The following CSMD3 variants were observed in gnomAD, a reference collection of about 807,000 sequenced individuals.
CSMD3 encodes the protein CUB and sushi domain-containing protein 3.
A neutral mutation model predicts 435.2 loss-of-function variants in CSMD3; 177 were observed. The observed-to-expected ratio is 0.41, with a 90% CI of 0.36 to 0.46. CSMD3 has a LOEUF of 0.46. CSMD3 is among the 20% of genes least tolerant of loss of function. CSMD3 has a pLI of 0.34. For missense variants in CSMD3, 4,265 were observed against 4,504.6 expected (o/e 0.95, Z 1.52); for synonymous variants, 1,656 against 1,520.5 (o/e 1.09, Z -2.07).
intron 1 of CSMD3, among the ~76,000 whole-genome samples, chr8:113,427,731 C>T (rs2094644421): frequency 6.6e-6 from 1 of 151,394 alleles, no homozygotes; most frequent in African/African-American, 2.4e-5. Flanking sequence ...TGTATTTGCC[C>T]CTACAAATAA....
chr8:112,450,306 A>G (rs1334425341), intron 32 of CSMD3, among the ~76,000 whole-genome samples: 5 of 152,202 alleles, frequency 3.3e-5, no homozygotes, highest in Non-Finnish European at 1.5e-5. Context: ...AAAATGCACA[A>G]CTAATTGCAT....
chr8:112,845,685 G>C (rs760583066), intron 11 of CSMD3, among the ~76,000 whole-genome samples: 1 of 151,966 alleles, frequency 6.6e-6, no homozygotes, highest in Non-Finnish European at 1.5e-5. Flanking sequence ...GAATTTTTTG[G>C]AAAGTAACAG....
At chr8:112,507,061 A>G (rs1822608978) in intron 28 of CSMD3, among the ~76,000 whole-genome samples, 2 of 152,168 alleles carry the variant, frequency 1.3e-5, no homozygotes, top group Admixed American at 6.5e-5. Flanking sequence ...TGGCTTTAAG[A>G]GACCAAAAAG....
chr8:112,620,924 C>T (rs1211624606), intron 22 of CSMD3, among the ~76,000 whole-genome samples: 1 of 152,100 alleles, frequency 6.6e-6, no homozygotes, highest in Non-Finnish European at 1.5e-5. Flanking sequence ...TCAAATGTTA[C>T]AGAAAATGTA....
chr8:113,255,248 G>GTTTTGGAT (rs2093369633), intron 3 of CSMD3, among the ~76,000 whole-genome samples: 1 of 152,022 alleles, frequency 6.6e-6, no homozygotes, highest in South Asian at 2.1e-4. Flanking sequence ...TTGAGACTAG[G>GTTTTGGAT]TTTTGGATGC....
chr8:113,397,031 A>G (rs1197812166), intron 1 of CSMD3, among the ~76,000 whole-genome samples: 1 of 152,170 alleles, frequency 6.6e-6, no homozygotes, highest in African/African-American at 2.4e-5. Context: ...TTTTAAGTAT[A>G]AACGAATGAA....
chr8:112,664,761 T>A (rs963222890), intron 17 of CSMD3, among the ~76,000 whole-genome samples: 3 of 151,502 alleles, frequency 2.0e-5, no homozygotes, highest in Non-Finnish European at 4.4e-5. Context: ...ACACAGAAAA[T>A]CACGTGAAGA....
chr8:112,323,968 G>T (rs915680418), intron 45 of CSMD3, among the ~76,000 whole-genome samples: 5 of 151,956 alleles, frequency 3.3e-5, no homozygotes, highest in Admixed American at 1.3e-4. Flanking sequence ...GCCAGAATTT[G>T]AACCAAGTTC....
In CSMD3 at chr8:112,237,268, T is replaced by C. The variant is rs917784689; in HGVS notation, c.10549A>G (p.Thr3517Ala). The change falls in exon 67 of 71, where the codon ACA becomes GCA. Residue 3517 changes from threonine to alanine, a missense_variant. Thr to Ala is a moderately conservative substitution (Grantham distance 58). Transcript: ENST00000297405. ...GTGGAAGCATTGAAACTAGTAACTGTTAAGGTCATGGGTTGTTTCCTTCCT... is the reference window on the plus strand; with the variant it reads ...GTGGAAGCATTGAAACTAGTAACTGCTAAGGTCATGGGTTGTTTCCTTCCT... Reference protein sequence around the residue: ...FKGRKQPMTLTVTSFNASTGR... With the variant: ...FKGRKQPMTLAVTSFNASTGR... 5 of 1,613,526 alleles carry C rather than the reference T, an allele frequency of 3.1e-6. No homozygotes were observed. Among genetic ancestry groups the C allele is most frequent in the Non-Finnish European group, 4.2e-6 (5 of 1,179,556 alleles).
At chr8:112,759,288 C>A (rs959498602) in intron 13 of CSMD3, among the ~76,000 whole-genome samples, 1 of 152,074 alleles carries the variant, frequency 6.6e-6, no homozygotes, top group East Asian at 1.9e-4. Context: ...CTTTGATGAC[C>A]CATCCTAGGA....
chr8:112,807,342 A>C (rs1304439907), intron 12 of CSMD3, among the ~76,000 whole-genome samples: 1 of 152,156 alleles, frequency 6.6e-6, no homozygotes, highest in Non-Finnish European at 1.5e-5. Context: ...ACTGGTGGAC[A>C]TGTACTTGGG....
chr8:112,537,644 C>T (rs189258303), intron 27 of CSMD3, among the ~76,000 whole-genome samples: 1 of 151,658 alleles, frequency 6.6e-6, no homozygotes, highest in African/African-American at 2.4e-5. Flanking sequence ...ACATGAATTT[C>T]TAGACACATA....
intron 16 of CSMD3, 104 bp downstream of exon 16, chr8:112,682,338 A>G: frequency 1.1e-6 from 1 of 880,868 alleles, no homozygotes; most frequent in Non-Finnish European, 1.9e-6. Flanking sequence ...GAAATGTTTT[A>G]AGATAATGAT....
intron 5 of CSMD3, among the ~76,000 whole-genome samples, chr8:113,083,869 A>G (rs2089657438): frequency 6.6e-6 from 1 of 152,052 alleles, no homozygotes; most frequent in Non-Finnish European, 1.5e-5. Context: ...AGTTACTCAG[A>G]AGGCTGATAC....
chr8:112,531,447 T>G (rs191783610), intron 27 of CSMD3, among the ~76,000 whole-genome samples: 1 of 152,104 alleles, frequency 6.6e-6, no homozygotes, highest in Non-Finnish European at 1.5e-5. Flanking sequence ...TGGGTGCCAG[T>G]TACAACAGCC....
At chr8:112,422,928 A>T (rs1812672896) in intron 32 of CSMD3, among the ~76,000 whole-genome samples, 1 of 152,198 alleles carries the variant, frequency 6.6e-6, no homozygotes, top group Non-Finnish European at 1.5e-5. Flanking sequence ...AGGTTTTATC[A>T]GTCATTTGGT....
intron 3 of CSMD3, among the ~76,000 whole-genome samples, chr8:113,176,046 AG>A (rs1439574735): frequency 2.0e-5 from 3 of 152,148 alleles, no homozygotes; most frequent in African/African-American, 7.2e-5. Context: ...TGTCAGGTGA[AG>A]TAGTGAATGA....
chr8:112,685,008 C>A (rs541490709), intron 15 of CSMD3, among the ~76,000 whole-genome samples: 103 of 152,176 alleles, frequency 6.8e-4, no homozygotes, highest in Non-Finnish European at 1.3e-3. Context: ...TGTTTAATAT[C>A]TATTGGTGCA....
intron 10 of CSMD3, among the ~76,000 whole-genome samples, chr8:112,897,682 CTCTCTCTCTCTCTGTGTGTG>C (rs1356529105): frequency 2.3e-5 from 2 of 87,016 alleles, no homozygotes; most frequent in African/African-American, 8.5e-5. Flanking sequence ...CTCTCTCTCT[CTCTCTCTCTCTCTGTGTGTG>C]TGTGTGTGTG....
Sources: gnomAD v4.1 joint callset for allele counts (sites outside exome capture counted in the v4.1 genomes callset) on GRCh38, gnomAD v4.1.1 for gene constraint, MANE v1.5 for transcripts, NCBI Gene and HGNC (gene_info 2026-07-23, HGNC 2026-07-21) for gene names.